PACRG: variants seen among roughly 807,000 people sequenced by gnomAD.
PACRG encodes the protein parkin coregulated.
A neutral mutation model predicts 29.7 loss-of-function variants in PACRG; 29 were observed. The ratio of observed to expected loss-of-function variants is 0.98; its 90% CI spans 0.73 to 1.33. The LOEUF (loss-of-function observed/expected upper bound fraction) is 1.33, where lower values mean the gene tolerates loss of function less well. Among genes scored for constraint, PACRG ranks in the 40% most tolerant of loss-of-function variants. The pLI, the probability that PACRG is intolerant of heterozygous loss-of-function variation, is 0.00. For synonymous variants in PACRG, 116 were observed against 118.7 expected, an observed-to-expected ratio of 0.98 and a Z score of 0.15; for missense variants, 279 against 316.2, an observed-to-expected ratio of 0.88 and a Z score of 0.89.
intron 2 of PACRG, among the ~76,000 whole-genome samples, chr6:162,964,697 C>A (rs1474060627): frequency 6.6e-6 from 1 of 152,136 alleles, no homozygotes; most frequent in Non-Finnish European, 1.5e-5. Context: ...ATGCCTTATG[C>A]AGGAAAGTAA....
rs148988017 is a variant in PACRG, at chr6:163,295,470, T to G, written c.614-19357T>G. ...GTTGACCTGAGATCAAATCCCACTT[T>G]GACAATTTGCTTATCCGTACAGTGG... On this transcript the variant is annotated intron_variant, in intron 4 of 4. Transcript: ENST00000366888. Among the ~76,000 whole-genome samples, 9 of 152,316 alleles carry G rather than the reference T, an allele frequency of 5.9e-5. 1 individual carries two copies. In the South Asian group the frequency reaches 8.3e-4, roughly 14 times the overall value.
In PACRG at chr6:163,314,972, T is replaced by G; in HGVS notation, c.759T>G (p.Ser253=). The G allele has an allele frequency of 3.1e-6, 5 of 1,613,740 alleles. No individual in the cohort carries two copies. Among genetic ancestry groups the G allele is most frequent in the Non-Finnish European group, 3.4e-6 (4 of 1,179,838 alleles). ...NIKYVVPTYE[S]CLLN ...AGTACGTGGTCCCAACCTACGAGTC[T>G]TGCTTGCTAAACTAACAGTGGCAGC... Residue 253 remains serine (S), a synonymous_variant, in exon 5 of 5, where the codon TCT becomes TCG. Transcript: ENST00000366888.
chr6:163,159,014 C>T (rs979102719), intron 4 of PACRG, among the ~76,000 whole-genome samples: 1 of 152,130 alleles, frequency 6.6e-6, no homozygotes, highest in Non-Finnish European at 1.5e-5. Flanking sequence ...TAAGAATAAG[C>T]TGCTTTGAAT....
intron 4 of PACRG, chr6:163,187,718 A>C (rs1439911703): frequency 6.6e-6 from 1 of 152,276 alleles, no homozygotes; most frequent in African/African-American, 2.4e-5. Context: ...GGTCCAAAAG[A>C]GCTTCTCTGG....
intron 3 of PACRG, among the ~76,000 whole-genome samples, 192 bp downstream of exon 3, chr6:163,062,513 T>A (rs1438668671): frequency 1.3e-5 from 2 of 152,230 alleles, no homozygotes; most frequent in East Asian, 3.8e-4. Flanking sequence ...CACTATGGCT[T>A]AGCCACATAA....
At chr6:163,208,247 T>C (rs1484615450) in intron 4 of PACRG, among the ~76,000 whole-genome samples, 3 of 151,796 alleles carry the variant, frequency 2.0e-5, no homozygotes, top group African/African-American at 2.4e-5. Flanking sequence ...ACCACTTTTA[T>C]TCATAGACTA....
upstream of PACRG, chr6:162,727,373 G>A: frequency 1.6e-5 from 7 of 438,328 alleles, no homozygotes; most frequent in South Asian, 2.2e-4. Flanking sequence ...GGGGGACCGC[G>A]AACGAGGAGC....
At chr6:163,099,860 C>T (rs1390708021) in intron 4 of PACRG, among the ~76,000 whole-genome samples, 2 of 152,164 alleles carry the variant, frequency 1.3e-5, no homozygotes, top group Non-Finnish European at 2.9e-5. Context: ...TTGTTCTGCC[C>T]TCCCCTGAGT....
intron 4 of PACRG, among the ~76,000 whole-genome samples, chr6:163,137,271 A>G (rs1220649135): frequency 6.6e-6 from 1 of 152,000 alleles, no homozygotes; most frequent in Non-Finnish European, 1.5e-5. Flanking sequence ...ATGAATTTAA[A>G]TTTCATCATT....
At chr6:162,949,360 C>A (rs1361705786) in intron 2 of PACRG, among the ~76,000 whole-genome samples, 3 of 151,978 alleles carry the variant, frequency 2.0e-5, no homozygotes, top group Non-Finnish European at 2.9e-5. Context: ...GAAGGATGTG[C>A]AGGTAGTTGG....
In PACRG at chr6:162,807,133, A is replaced by G. The variant is rs918410747; in HGVS notation, c.157-7014A>G. Among the ~76,000 whole-genome samples the G allele has an allele frequency of 3.9e-5, 6 of 152,306 alleles. No homozygotes were observed. The East Asian group carries it at 1.2e-3, about 29-fold the overall frequency. ...TCTCAGCCTTCACAGAATTGAAGAC[A>G]GTTAGGGCCTTCCTCTGGATTAGGC... On this transcript the variant is annotated intron_variant, in intron 1 of 4. Coordinates refer to ENST00000366888, the MANE Select transcript of PACRG (RefSeq NM_001080379.2).
chr6:162,931,576 C>T (rs934752058), intron 2 of PACRG, among the ~76,000 whole-genome samples: 1 of 151,934 alleles, frequency 6.6e-6, no homozygotes, highest in African/African-American at 2.4e-5. Flanking sequence ...AAAAGATTAT[C>T]CTTCTTCCAT....
chr6:162,995,049 G>T (rs1243477152), intron 2 of PACRG, among the ~76,000 whole-genome samples: 1 of 151,334 alleles, frequency 6.6e-6, no homozygotes, highest in Non-Finnish European at 1.5e-5. Context: ...CAGTTAGGCT[G>T]CTCAGGGGTC....
At chr6:163,099,033 C>T (rs1466528229) in intron 4 of PACRG, among the ~76,000 whole-genome samples, 3 of 152,202 alleles carry the variant, frequency 2.0e-5, no homozygotes, top group Non-Finnish European at 2.9e-5. Context: ...GTGCCAACCT[C>T]CTATTTCATC....
At chr6:162,762,119 T>C (rs981659839) in intron 1 of PACRG, among the ~76,000 whole-genome samples, 1 of 152,098 alleles carries the variant, frequency 6.6e-6, no homozygotes, top group African/African-American at 2.4e-5. Context: ...AACTGGACTT[T>C]AGTAGGTTCT....
At chr6:163,046,655 T>C (rs1809428921) in intron 2 of PACRG, 1 of 152,118 alleles carries the variant, frequency 6.6e-6, no homozygotes, top group Admixed American at 6.5e-5. Flanking sequence ...AGAGTGTCAT[T>C]GATTCATTCT....
intron 2 of PACRG, among the ~76,000 whole-genome samples, chr6:163,033,992 C>A (rs1050534288): frequency 2.0e-5 from 3 of 152,088 alleles, no homozygotes; most frequent in Admixed American, 2.0e-4. Flanking sequence ...AGACTAGCCT[C>A]ACAAATCCTT....
chr6:163,258,915 T>C (rs4709687), intron 4 of PACRG, among the ~76,000 whole-genome samples: 52,213 of 152,076 alleles, frequency 0.34, 9,346 homozygotes, highest in Non-Finnish European at 0.39. Context: ...AAAATGTGTT[T>C]ATGAAATGCC....
chr6:162,882,888 A>T (rs1794018669), intron 2 of PACRG, among the ~76,000 whole-genome samples: 1 of 152,278 alleles, frequency 6.6e-6, no homozygotes, highest in South Asian at 2.1e-4. Flanking sequence ...ACCTTCAGAA[A>T]CCCTGACTAG....
Sources: allele counts gnomAD v4.1 joint callset (sites outside exome capture counted in the v4.1 genomes callset), GRCh38; gene constraint gnomAD v4.1.1; transcripts MANE v1.5; gene names NCBI Gene and HGNC (gene_info 2026-07-23, HGNC 2026-07-21).